ITFG2: variants seen among roughly 807,000 people sequenced by gnomAD.
ITFG2 encodes the protein KICSTOR complex protein ITFG2.
In ITFG2, 36 loss-of-function variants were observed where a neutral mutation model predicts 54.4. That is an observed-to-expected ratio of 0.66 (90% CI 0.51 to 0.87). The LOEUF is 0.87. Among genes scored for constraint, ITFG2 ranks in the 40% least tolerant of loss-of-function variants. The probability of loss-of-function intolerance (pLI) is 0.00; values close to 1 mark genes in which losing one functional copy is unlikely to be tolerated. For synonymous variants in ITFG2, 211 were observed against 225.4 expected (o/e 0.94, Z 0.57); for missense variants, 524 against 576.7 (o/e 0.91, Z 0.94).
chr12:2,858,809 T>C lies in ITFG2; in HGVS notation n.620+478T>C, dbSNP rs2098098954. 3 of 1,614,032 alleles carry C rather than the reference T, an allele frequency of 1.9e-6. No individual in the cohort carries two copies. In the South Asian group the frequency reaches 3.3e-5, roughly 18 times the overall value. Reference sequence around the variant, plus strand: ...GATTGGCTGCAAGGCCAGAAACCTGTGGCTCCGGGGAGCCTGGCTTGGGGA... The same window carrying C: ...GATTGGCTGCAAGGCCAGAAACCTGCGGCTCCGGGGAGCCTGGCTTGGGGA... On this transcript the variant is annotated intron_variant and non_coding_transcript_variant, in intron 3 of 3. Coordinates refer to the ITFG2 transcript ENST00000537710.
chr12:2,857,412 A>C, intron 2 of ITFG2: 1 of 274,608 alleles, frequency 3.6e-6, no homozygotes, highest in Non-Finnish European at 7.2e-6. Context: ...GAACCCTCAA[A>C]AGGCCTAAGT....
At chr12:2,834,740 G>A, upstream of ITFG2, 5 of 1,614,020 alleles carry the variant, frequency 3.1e-6, no homozygotes, top group Non-Finnish European at 3.4e-6. Flanking sequence ...AGCCGGCGCT[G>A]CTGGCTCAGG....
At chr12:2,819,104 G>A (rs937127716) in intron 4 of ITFG2, among the ~76,000 whole-genome samples, 6 of 151,508 alleles carry the variant, frequency 4.0e-5, no homozygotes, top group South Asian at 2.1e-4. Context: ...TAAGGCAGGC[G>A]GATCCCTTAA....
chr12:2,847,483 C>T (rs551835348), intron 2 of ITFG2, among the ~76,000 whole-genome samples: 2 of 152,154 alleles, frequency 1.3e-5, no homozygotes, highest in African/African-American at 2.4e-5. Flanking sequence ...CTGGCCAACA[C>T]GGTGAAACCC....
chr12:2,822,461 GCCC>G (rs2097948796), intron 9 of ITFG2, among the ~76,000 whole-genome samples: 1 of 152,136 alleles, frequency 6.6e-6, no homozygotes, highest in Non-Finnish European at 1.5e-5. Flanking sequence ...TATCACTGTG[GCCC>G]CTGAATCAGC....
chr12:2,827,618 G>T, downstream of ITFG2: 1 of 1,614,176 alleles, frequency 6.2e-7, no homozygotes, highest in South Asian at 1.1e-5. The surrounding 1 kb of genome is among the most constrained non-coding windows in gnomAD (Gnocchi z 4.0). Flanking sequence ...CTGAGTGGGT[G>T]CCTTACCTTG....
At chr12:2,819,925 G>A in intron 4 of ITFG2, 161 bp from the exon 5 acceptor site, 1 of 811,470 alleles carries the variant, frequency 1.2e-6, no homozygotes, top group South Asian at 2.2e-5. Context: ...GGACGGGCAA[G>A]ATGCCGCAAA....
At chr12:2,843,917 CAT>C (rs1415161383) in intron 2 of ITFG2, among the ~76,000 whole-genome samples, 1 of 148,584 alleles carries the variant, frequency 6.7e-6, no homozygotes, top group Non-Finnish European at 1.5e-5. Context: ...TGAAATAACA[CAT>C]AATCTGTAGA....
rs2097924574 is a variant in ITFG2 at position 2,817,306 on chromosome 12, C to T, written c.180C>T (p.Ser60=). 1 of 1,612,878 alleles carries T rather than the reference C, an allele frequency of 6.2e-7. No individual in the cohort carries two copies. Among genetic ancestry groups the T allele is most frequent in the East Asian group, 2.2e-5 (1 of 44,868 alleles). Residue 60 remains serine (S), a synonymous_variant, in exon 2 of 12, where the codon TCC becomes TCT. Transcript: ENST00000228799. The part of the protein sequence containing the change: ...NDDSRPWLTC[S]CQGMLTCVGV... ...ACAGTCGGCCATGGCTCACCTGTTC[C>T]TGCCAGGGAATGGTCAGTATTCACT...
At chr12:2,827,529 A>G (rs1469188354), downstream of ITFG2, 2 of 1,591,794 alleles carry the variant, frequency 1.3e-6, no homozygotes, top group East Asian at 2.2e-5. The surrounding 1 kb of genome is among the most constrained non-coding windows in gnomAD (Gnocchi z 4.0). Context: ...GCCCATCTCT[A>G]AGTCACTCTC....
chr12:2,836,378 G>A (rs1003730043), upstream of ITFG2, among the ~76,000 whole-genome samples: 1 of 152,126 alleles, frequency 6.6e-6, no homozygotes, highest in Admixed American at 6.5e-5. Flanking sequence ...ACCTGTGTTG[G>A]ATGCTCACAG....
chr12:2,853,153 C>G (rs1266880746), intron 2 of ITFG2, among the ~76,000 whole-genome samples: 1 of 152,152 alleles, frequency 6.6e-6, no homozygotes, highest in South Asian at 2.1e-4. Flanking sequence ...AAGTCTTTCT[C>G]CCCTTTGCCA....
intron 2 of ITFG2, chr12:2,857,204 C>G: frequency 1.6e-6 from 1 of 629,706 alleles, no homozygotes; most frequent in Non-Finnish European, 2.8e-6. Context: ...TCAGGTTAGA[C>G]AGGCAGGGGA....
At chr12:2,819,981 G>A (rs530505501) in intron 4 of ITFG2, 105 bp from the exon 5 acceptor site, 385 of 1,416,466 alleles carry the variant, frequency 2.7e-4, no homozygotes, top group Non-Finnish European at 3.4e-4. Context: ...GAGTAGCACC[G>A]CAGATCGGGT....
intron 1 of ITFG2, among the ~76,000 whole-genome samples, chr12:2,816,420 C>T (rs1233805321): frequency 6.6e-6 from 1 of 150,972 alleles, no homozygotes; most frequent in Non-Finnish European, 1.5e-5. Context: ...AGCTCTGCCT[C>T]CCGGGTTCAC....
At chr12:2,846,628 A>G (rs1314564495) in intron 2 of ITFG2, among the ~76,000 whole-genome samples, 1 of 151,760 alleles carries the variant, frequency 6.6e-6, no homozygotes, top group Non-Finnish European at 1.5e-5. Context: ...ATCCTATGTA[A>G]AGGGAACCCT....
intron 3 of ITFG2, chr12:2,859,340 C>T (rs1411125594): frequency 6.2e-7 from 1 of 1,613,610 alleles, no homozygotes; most frequent in Non-Finnish European, 8.5e-7. Flanking sequence ...GAATCACAAG[C>T]ATTTCCGAGA....
intron 1 of ITFG2, among the ~76,000 whole-genome samples, chr12:2,839,757 G>A (rs1245233649): frequency 1.3e-5 from 2 of 152,094 alleles, no homozygotes. Flanking sequence ...AATACACCAT[G>A]GAATAGTATG....
downstream of ITFG2, chr12:2,827,259 G>C (rs117603123): frequency 1.2e-6 from 2 of 1,613,928 alleles, no homozygotes; most frequent in Admixed American, 1.7e-5. The surrounding 1 kb of genome is among the most constrained non-coding windows in gnomAD (Gnocchi z 4.0). Flanking sequence ...TGAGAACGGG[G>C]CTTTCAGCCG....
Sources: gnomAD v4.1 joint callset for allele counts (sites outside exome capture counted in the v4.1 genomes callset) on GRCh38, gnomAD v4.1.1 for gene constraint, Gnocchi (gnomAD v3.1) non-coding constraint, MANE v1.5 for transcripts, NCBI Gene and HGNC (gene_info 2026-07-23, HGNC 2026-07-21) for gene names.